RNF150: variants seen among roughly 807,000 people sequenced by gnomAD.
RNF150 encodes ring finger protein 150.
Under a neutral mutation model 39.3 loss-of-function variants are expected in RNF150, and 24 were observed. That is an observed-to-expected ratio of 0.61 (90% CI 0.44 to 0.86). The LOEUF is 0.86. Among genes scored for constraint, RNF150 ranks in the 40% least tolerant of loss-of-function variants. The probability of loss-of-function intolerance (pLI) is 0.00; values close to 1 mark genes in which losing one functional copy is unlikely to be tolerated. For missense variants in RNF150, 502 were observed against 587.8 expected (o/e 0.85, Z 1.51); for synonymous variants, 255 against 227.3 (o/e 1.12, Z -1.10).
intron 1 of RNF150, among the ~76,000 whole-genome samples, chr4:141,129,486 T>C (rs112256959): frequency 2.4e-4 from 36 of 151,916 alleles, no homozygotes; most frequent in African/African-American, 8.4e-4. Flanking sequence ...TGACTAGGAG[T>C]TGGGGAATAT....
At chr4:141,001,756 C>T (rs573468054) in intron 1 of RNF150, among the ~76,000 whole-genome samples, 18 of 152,134 alleles carry the variant, frequency 1.2e-4, no homozygotes, top group African/African-American at 4.3e-4. Context: ...ATAGGGATTA[C>T]ATATTATAGA....
In RNF150 at chr4:140,864,266, G is replaced by A. The variant is rs1728615491; in HGVS notation, c.*3995C>T. 1 of 149,090 alleles carries A rather than the reference G, an allele frequency of 6.7e-6. No homozygotes were observed. Among genetic ancestry groups the A allele is most frequent in the Admixed American group, 6.7e-5 (1 of 15,028 alleles). 9.2% of individuals were successfully genotyped at this position (149,090 alleles called of 1,614,324 possible). On this transcript the variant is annotated 3_prime_UTR_variant, in exon 7 of 7. Coordinates refer to ENST00000515673, the MANE Select transcript of RNF150 (RefSeq NM_020724.2). The stretch of plus-strand genomic sequence containing the variant: ...AGACTCTACCTCTCCCTGTGTAGAT[G>A]ACCAGAGTTGACACTGCAGGGGATA...
chr4:141,153,662 TAGTG>T (rs1237377875), intron 1 of RNF150, among the ~76,000 whole-genome samples: 2 of 152,068 alleles, frequency 1.3e-5, no homozygotes, highest in African/African-American at 4.8e-5. Context: ...AGAAAGAGGA[TAGTG>T]AGTGGGTAGA....
chr4:141,127,730 C>G (rs973304236), intron 1 of RNF150, among the ~76,000 whole-genome samples: 2 of 152,172 alleles, frequency 1.3e-5, no homozygotes, highest in African/African-American at 4.8e-5. Context: ...CTCCAAGTTG[C>G]CCTTAGGGAC....
At chr4:141,101,577 C>T (rs1193208304) in intron 1 of RNF150, among the ~76,000 whole-genome samples, 1 of 152,050 alleles carries the variant, frequency 6.6e-6, no homozygotes, top group Non-Finnish European at 1.5e-5. Context: ...ATAAATAGTA[C>T]AATAAATACA....
At chr4:141,059,107 T>C (rs1737109729) in intron 1 of RNF150, among the ~76,000 whole-genome samples, 1 of 152,186 alleles carries the variant, frequency 6.6e-6, no homozygotes, top group African/African-American at 2.4e-5. Flanking sequence ...TGTGGTTTGT[T>C]CTTCTGCTCT....
At chr4:140,960,248 G>C (rs745338428) in intron 2 of RNF150, among the ~76,000 whole-genome samples, 1 of 151,972 alleles carries the variant, frequency 6.6e-6, no homozygotes, top group Non-Finnish European at 1.5e-5. Context: ...ATCCAAACTG[G>C]AACAATTCTG....
At position 140,863,545 on chromosome 4, in the gene RNF150, G is replaced by GT. The variant is rs1278269390; in HGVS notation, c.*4715dup. On this transcript the variant is annotated 3_prime_UTR_variant, in exon 7 of 7. Transcript: ENST00000515673. Reference sequence around the variant, plus strand: ...TGACTCTGTAGGTATAGAACCTCCAGTTTTTTGTGTTCTGAAGGTTATTTC... The same window carrying GT: ...TGACTCTGTAGGTATAGAACCTCCAGTTTTTTTGTGTTCTGAAGGTTATTTC... The GT allele has an allele frequency of 2.6e-5, 4 of 152,180 alleles. No homozygotes were observed. Among genetic ancestry groups the GT allele is most frequent in the Non-Finnish European group, 5.9e-5 (4 of 68,028 alleles). The allele number at this position is 152,180 out of a possible 1,614,324, so 9.4% of individuals were successfully genotyped here. A position where few individuals can be genotyped will look rare whatever the true frequency, so the allele number is the denominator to read the frequency against.
At chr4:141,099,590 G>A (rs972512241) in intron 1 of RNF150, among the ~76,000 whole-genome samples, 7 of 152,036 alleles carry the variant, frequency 4.6e-5, no homozygotes, top group African/African-American at 1.5e-4. Flanking sequence ...AGGAAAATTG[G>A]GCTCCTGGAA....
intron 1 of RNF150, among the ~76,000 whole-genome samples, chr4:141,122,423 G>T (rs1726638438): frequency 6.6e-6 from 1 of 152,232 alleles, no homozygotes; most frequent in African/African-American, 2.4e-5. Context: ...TCCAACAGAT[G>T]TCTTTTCTCC....
chr4:141,179,510 C>A (rs1416600338), intron 1 of RNF150, among the ~76,000 whole-genome samples: 1 of 152,206 alleles, frequency 6.6e-6, no homozygotes, highest in Non-Finnish European at 1.5e-5. Context: ...ACTGCTAGGA[C>A]AGTGTCCTTT....
chr4:141,133,045 G>C lies in RNF150; in HGVS notation c.-237C>G, dbSNP rs1056911699. 12 of 440,764 alleles carry C rather than the reference G, an allele frequency of 2.7e-5. No individual in the cohort carries two copies. The highest frequency in any genetic ancestry group is 2.3e-4 in the African/African-American group (11 of 46,816). The allele number at this position is 440,764 out of a possible 1,614,324, so 27.3% of individuals were successfully genotyped here. A position where few individuals can be genotyped will look rare whatever the true frequency, so the allele number is the denominator to read the frequency against. ...GGTGGTTGCATTTTGCTTCTTGGGCGCCCGGGGGGCGCGGGAACAGAGGGC... is the reference window on the plus strand; with the variant it reads ...GGTGGTTGCATTTTGCTTCTTGGGCCCCCGGGGGGCGCGGGAACAGAGGGC... On this transcript the variant is annotated 5_prime_UTR_variant, in exon 1 of 7. Transcript: ENST00000515673.
chr4:141,180,474 T>A (rs368430700), intron 1 of RNF150, among the ~76,000 whole-genome samples: 2 of 152,176 alleles, frequency 1.3e-5, no homozygotes, highest in South Asian at 4.1e-4. Flanking sequence ...AGGTGACAGA[T>A]AATGGATAAG....
intron 4 of RNF150, among the ~76,000 whole-genome samples, chr4:140,940,964 A>G (rs943567318): frequency 3.3e-5 from 5 of 152,312 alleles, no homozygotes; most frequent in Admixed American, 1.3e-4. Context: ...AGTGAAGCCA[A>G]GAACCCTCCT....
intron 4 of RNF150, among the ~76,000 whole-genome samples, chr4:140,932,967 TA>T (rs1731709331): frequency 6.6e-6 from 1 of 152,238 alleles, no homozygotes; most frequent in Non-Finnish European, 1.5e-5. Context: ...CTTGCTGTGT[TA>T]AGCCACTGAG....
At chr4:141,088,975 G>A (rs1738472219) in intron 1 of RNF150, among the ~76,000 whole-genome samples, 1 of 152,114 alleles carries the variant, frequency 6.6e-6, no homozygotes, top group South Asian at 2.1e-4. Flanking sequence ...TTACATAATT[G>A]CTAACAAAGT....
chr4:141,078,453 C>T (rs1001791340), intron 1 of RNF150, among the ~76,000 whole-genome samples: 3 of 151,946 alleles, frequency 2.0e-5, no homozygotes, highest in Non-Finnish European at 2.9e-5. Context: ...GGCTTGCTTT[C>T]AAAATCAGAG....
At chr4:141,066,082 A>T (rs1346647532) in intron 1 of RNF150, among the ~76,000 whole-genome samples, 3 of 152,012 alleles carry the variant, frequency 2.0e-5, no homozygotes, top group African/African-American at 7.2e-5. Context: ...TATTTGACTC[A>T]TCTGATCCCA....
intron 1 of RNF150, among the ~76,000 whole-genome samples, chr4:141,038,059 G>T (rs1736211413): frequency 6.6e-6 from 1 of 152,164 alleles, no homozygotes; most frequent in African/African-American, 2.4e-5. Flanking sequence ...ACCCCATTTT[G>T]CATTCCCACT....
Sources: gnomAD v4.1 joint callset for allele counts (sites outside exome capture counted in the v4.1 genomes callset) on GRCh38, gnomAD v4.1.1 for gene constraint, MANE v1.5 for transcripts, NCBI Gene and HGNC (gene_info 2026-07-23, HGNC 2026-07-21) for gene names.